The following DIP2C variants were observed in gnomAD, a reference collection of about 807,000 sequenced individuals.
The protein encoded by DIP2C is disco-interacting protein 2 homolog C.
In DIP2C, 33 loss-of-function variants were observed where a neutral mutation model predicts 192.4. The observed-to-expected ratio is 0.17, with a 90% CI of 0.13 to 0.23. The LOEUF is 0.23. Among genes scored for constraint, DIP2C ranks in the 10% least tolerant of loss-of-function variants. DIP2C has a pLI of 1.00. For synonymous variants in DIP2C, 979 were observed against 864.1 expected, an observed-to-expected ratio of 1.13 and a Z score of -2.33; for missense variants, 1,537 against 2,110.1, an observed-to-expected ratio of 0.73 and a Z score of 5.32.
At chr10:506,419 G>A (rs1845597271) in intron 1 of DIP2C, among the ~76,000 whole-genome samples, 1 of 152,160 alleles carries the variant, frequency 6.6e-6, no homozygotes, top group African/African-American at 2.4e-5. Context: ...AAATCTCAGT[G>A]TGTGTAGCCC....
Position 636,121 on chromosome 10 carries a change from A to G in DIP2C, c.85+53373T>C, listed in dbSNP as rs1854818454. On this transcript the variant is annotated intron_variant, in intron 1 of 36. Transcript: ENST00000280886. This position sits in a 1 kb window ranked among gnomAD's most constrained non-coding sequence, Gnocchi z 4.6. Reference sequence around the variant, plus strand: ...CATCAACCTGTGCTCATAGCTACATACAAAATAACTTTATCACAAGGAAAA... The same window carrying G: ...CATCAACCTGTGCTCATAGCTACATGCAAAATAACTTTATCACAAGGAAAA... 6.6e-6 allele frequency among the ~76,000 whole-genome samples: 1 copy of G among 152,210 alleles called. No individual in the cohort carries two copies. The highest frequency in any genetic ancestry group is 2.4e-5 in the African/African-American group (1 of 41,448).
intron 33 of DIP2C, 133 bp from the exon 34 acceptor site, chr10:286,480 T>A: frequency 1.3e-6 from 1 of 771,806 alleles, no homozygotes; most frequent in Non-Finnish European, 2.2e-6. Context: ...CAAAACTATA[T>A]GCCACATAGT....
intron 10 of DIP2C, among the ~76,000 whole-genome samples, chr10:392,569 C>G (rs147774764): frequency 8.5e-5 from 13 of 152,168 alleles, no homozygotes; most frequent in Admixed American, 3.9e-4. Flanking sequence ...GAGTGCCCCC[C>G]GCGGCCCCGT....
At chr10:353,790 G>A (rs1026164495) in intron 24 of DIP2C, among the ~76,000 whole-genome samples, 2 of 152,196 alleles carry the variant, frequency 1.3e-5, no homozygotes, top group Non-Finnish European at 2.9e-5. Context: ...GCTGGTGTAC[G>A]TGCTGAACGG....
chr10:350,985 C>T (rs895257811), intron 24 of DIP2C, among the ~76,000 whole-genome samples: 6 of 152,058 alleles, frequency 3.9e-5, no homozygotes, highest in African/African-American at 1.4e-4. Context: ...AAGATGAATG[C>T]ATGAGTGTAG....
intron 4 of DIP2C, among the ~76,000 whole-genome samples, chr10:434,947 GTTTATT>G (rs1053498043): frequency 1.7e-4 from 26 of 152,148 alleles, no homozygotes; most frequent in African/African-American, 6.3e-4. Context: ...CCCAAGTATA[GTTTATT>G]TTTGTTTTTG....
intron 1 of DIP2C, among the ~76,000 whole-genome samples, chr10:539,757 A>G (rs1343214233): frequency 6.6e-6 from 1 of 152,234 alleles, no homozygotes; most frequent in Non-Finnish European, 1.5e-5. Context: ...TTTACAATTA[A>G]ATTCTTAAAG....
At chr10:605,139 C>T (rs1252564456) in intron 1 of DIP2C, among the ~76,000 whole-genome samples, 1 of 152,224 alleles carries the variant, frequency 6.6e-6, no homozygotes, top group East Asian at 1.9e-4. Flanking sequence ...GTGAGCGCAG[C>T]CCTGGCTTCC....
chr10:441,621 T>C (rs925188148), intron 3 of DIP2C, among the ~76,000 whole-genome samples: 19 of 152,254 alleles, frequency 1.2e-4, no homozygotes, highest in Non-Finnish European at 5.9e-5. Context: ...CTTTTGCTTC[T>C]ACCTCGTTTT....
chr10:575,808 A>C (rs1240200383), intron 1 of DIP2C, among the ~76,000 whole-genome samples: 2 of 152,198 alleles, frequency 1.3e-5, no homozygotes, highest in African/African-American at 4.8e-5. Context: ...CCCAACTAGG[A>C]AGCGCAAGGA....
chr10:568,138 C>G (rs1849556685), intron 1 of DIP2C, among the ~76,000 whole-genome samples: 1 of 152,218 alleles, frequency 6.6e-6, no homozygotes, highest in African/African-American at 2.4e-5. Flanking sequence ...ACAAGCACAG[C>G]AGAAACCACC....
intron 1 of DIP2C, among the ~76,000 whole-genome samples, chr10:590,159 C>T (rs745705550): frequency 2.0e-5 from 3 of 152,220 alleles, no homozygotes; most frequent in Non-Finnish European, 4.4e-5. Flanking sequence ...ACCGGAGTCA[C>T]GGCCTGAGCC....
At chr10:445,093 C>T (rs182740504) in intron 3 of DIP2C, among the ~76,000 whole-genome samples, 1 of 152,260 alleles carries the variant, frequency 6.6e-6, no homozygotes, top group Non-Finnish European at 1.5e-5. Context: ...CCTCCTCCTC[C>T]ACTCTTGTGA....
At position 353,822 on chromosome 10, in the gene DIP2C, A is replaced by T. The variant is rs368179120; in HGVS notation, c.2985+2604T>A. Among the ~76,000 whole-genome samples, 13 of 152,340 alleles carry T rather than the reference A, an allele frequency of 8.5e-5. No homozygotes were observed. In the East Asian group the frequency reaches 1.4e-3, roughly 16 times the overall value. On this transcript the variant is annotated intron_variant, in intron 24 of 36. Transcript: ENST00000280886. ...ACGGACACTTATGGTGTGTGGAGTG[A>T]TTCATCACTGGAACGAATTTCATGT...
intron 14 of DIP2C, among the ~76,000 whole-genome samples, chr10:385,057 G>A (rs1323748936): frequency 6.6e-6 from 1 of 151,764 alleles, no homozygotes; most frequent in Non-Finnish European, 1.5e-5. Flanking sequence ...GCCCTGAGGA[G>A]AAGCAGCTCT....
chr10:577,509 A>G (rs1190687300), intron 1 of DIP2C, among the ~76,000 whole-genome samples: 1 of 152,180 alleles, frequency 6.6e-6, no homozygotes, highest in Non-Finnish European at 1.5e-5. Context: ...AGAGCCTCGT[A>G]TTCCTATTTA....
rs1006328777 is a variant in DIP2C, at chr10:318,606, G to A, written c.3924+8400C>T. Among the ~76,000 whole-genome samples the A allele has an allele frequency of 2.6e-5, 4 of 152,322 alleles. No homozygotes were observed. In the East Asian group the frequency reaches 7.7e-4, roughly 29 times the overall value. On this transcript the variant is annotated intron_variant, in intron 31 of 36. Coordinates refer to ENST00000280886, the MANE Select transcript of DIP2C (RefSeq NM_014974.3). ...ACTGGTGCCTCAAACTGCCAAAGGA[G>A]GTTTCCATTGCTTACAGGTCAGAAA...
chr10:319,473 T>C (rs1956914112), intron 31 of DIP2C, among the ~76,000 whole-genome samples: 1 of 152,250 alleles, frequency 6.6e-6, no homozygotes, highest in South Asian at 2.1e-4. Context: ...CTCATGTTTT[T>C]CTTCCCTGCT....
At chr10:485,068 C>A in intron 2 of DIP2C, 1 of 1,280,684 alleles carries the variant, frequency 7.8e-7, no homozygotes, top group Non-Finnish European at 1.0e-6. Context: ...AAGGGGACCA[C>A]AGGGCACGAC....
Sources: gnomAD v4.1 joint callset for allele counts (sites outside exome capture counted in the v4.1 genomes callset) on GRCh38, gnomAD v4.1.1 for gene constraint, Gnocchi (gnomAD v3.1) non-coding constraint, MANE v1.5 for transcripts, NCBI Gene and HGNC (gene_info 2026-07-23, HGNC 2026-07-21) for gene names.